The following METTL9 variants were observed in gnomAD, a reference collection of about 807,000 sequenced individuals.
METTL9 encodes the protein protein-L-histidine N-pros-methyltransferase.
METTL9 carries 10 observed loss-of-function variants against 36.0 expected under a neutral mutation model. That is an observed-to-expected ratio of 0.28 (90% CI 0.17 to 0.47). METTL9 has a LOEUF of 0.47. METTL9 is among the 20% of genes least tolerant of loss of function. The pLI is 0.99. For missense variants in METTL9, 246 were observed against 383.5 expected (o/e 0.64, Z 3.00); for synonymous variants, 175 against 149.7 (o/e 1.17, Z -1.23).
intron 4 of METTL9, chr16:21,641,577 GTGT>G (rs562061536): frequency 4.7e-5 from 74 of 1,585,950 alleles, no homozygotes; most frequent in Non-Finnish European, 5.8e-5. Context: ...GTTTTCATAA[GTGT>G]TGTTATCTTT....
chr16:21,610,229 G>C (rs1441103326), intron 1 of METTL9, among the ~76,000 whole-genome samples: 1 of 152,190 alleles, frequency 6.6e-6, no homozygotes, highest in African/African-American at 2.4e-5. Context: ...GACATTTCAC[G>C]TAAGTGGAAT....
chr16:21,642,851 C>T (rs1966310135), intron 4 of METTL9, among the ~76,000 whole-genome samples: 1 of 152,134 alleles, frequency 6.6e-6, no homozygotes, highest in Admixed American at 6.5e-5. Context: ...CTGAAAGTTT[C>T]CATGTCACTA....
rs1231465703 is a variant in METTL9, at chr16:21,599,641, C to G, written c.-93C>G. The stretch of plus-strand genomic sequence containing the variant: ...GGCAAGGCGGCCGCGATGGCTCGAG[C>G]TCGGGCGGTGGCGGCGGTGGCCGGA... On this transcript the variant is annotated 5_prime_UTR_variant, in exon 1 of 5. Transcript: ENST00000358154. The surrounding 1 kb of genome is among the most constrained non-coding windows in gnomAD (Gnocchi z 4.4). 1.1e-5 allele frequency: 15 copies of G among 1,343,472 alleles called. No homozygotes were observed. The highest frequency in any genetic ancestry group is 4.2e-5 in the Admixed American group (1 of 23,958). The allele number at this position is 1,343,472 out of a possible 1,614,324, so 83.2% of individuals were successfully genotyped here.
At chr16:21,613,632 T>C (rs1302215316) in intron 2 of METTL9, among the ~76,000 whole-genome samples, 2 of 152,134 alleles carry the variant, frequency 1.3e-5, no homozygotes, top group East Asian at 1.9e-4. Context: ...TTAAACATAC[T>C]TCGCAGTGGC....
upstream of METTL9, among the ~76,000 whole-genome samples, chr16:21,598,352 CA>C (rs1161878357): frequency 0.017 from 1,001 of 59,176 alleles, 8 homozygotes; most frequent in African/African-American, 0.045. Flanking sequence ...CACTCCGTTT[CA>C]AAAAAAAAAA....
intron 1 of METTL9, among the ~76,000 whole-genome samples, chr16:21,607,497 G>C (rs1031602077): frequency 3.3e-5 from 5 of 152,154 alleles, no homozygotes; most frequent in African/African-American, 1.2e-4. Context: ...CCAATTATTA[G>C]TATCTTTGCA....
intron 4 of METTL9, among the ~76,000 whole-genome samples, chr16:21,634,096 C>G (rs137933329): frequency 6.6e-6 from 1 of 152,146 alleles, no homozygotes; most frequent in African/African-American, 2.4e-5. Flanking sequence ...TTTCCAATTA[C>G]AACTGAGGAG....
chr16:21,652,911 G>A (rs1398343892), intron 4 of METTL9: 15 of 289,128 alleles, frequency 5.2e-5, no homozygotes, highest in South Asian at 1.9e-4. Context: ...CAAATAATTC[G>A]TACTTGGATT....
At chr16:21,604,075 G>A (rs891912868) in intron 1 of METTL9, among the ~76,000 whole-genome samples, 3 of 152,116 alleles carry the variant, frequency 2.0e-5, no homozygotes, top group Non-Finnish European at 2.9e-5. Context: ...AGGCAGACTG[G>A]AGTCAGGCAT....
intron 4 of METTL9, among the ~76,000 whole-genome samples, chr16:21,638,087 G>A (rs1966151677): frequency 6.6e-6 from 1 of 152,190 alleles, no homozygotes; most frequent in South Asian, 2.1e-4. Flanking sequence ...GGAGGCCAAG[G>A]TGGGCAGATC....
At chr16:21,648,897 C>T (rs750002367) in intron 4 of METTL9, among the ~76,000 whole-genome samples, 9 of 152,188 alleles carry the variant, frequency 5.9e-5, no homozygotes, top group Non-Finnish European at 8.8e-5. Flanking sequence ...TAGCGTTTCT[C>T]TTATGGATCC....
chr16:21,641,300 T>A (rs1966260564), intron 4 of METTL9: 1 of 338,008 alleles, frequency 3.0e-6, no homozygotes, highest in African/African-American at 2.1e-5. Context: ...TAAAATAGAA[T>A]TTTTTTTCTT....
Position 21,599,580 on chromosome 16 carries a change from C to A in METTL9, c.-154C>A. The A allele has an allele frequency of 1.5e-6, 2 of 1,293,282 alleles. No individual in the cohort carries two copies. The highest frequency in any genetic ancestry group is 1.6e-5 in the African/African-American group (1 of 64,012). 80.1% of individuals were successfully genotyped at this position (1,293,282 alleles called of 1,614,324 possible). A position where few individuals can be genotyped will look rare whatever the true frequency, so the allele number is the denominator to read the frequency against. On this transcript the variant is annotated 5_prime_UTR_variant, in exon 1 of 5. Coordinates refer to ENST00000358154, the MANE Select transcript of METTL9 (RefSeq NM_016025.5). This position sits in a 1 kb window ranked among gnomAD's most constrained non-coding sequence, Gnocchi z 4.4. Reference sequence around the variant, plus strand: ...CGAGGCTGCGCGCCGGCTGCTCCTCCCCACCCCCAGCCTTTGCCCTGAAGG... The same window carrying A: ...CGAGGCTGCGCGCCGGCTGCTCCTCACCACCCCCAGCCTTTGCCCTGAAGG...
intron 3 of METTL9, among the ~76,000 whole-genome samples, chr16:21,622,743 G>A (rs1965736381): frequency 1.3e-5 from 2 of 152,148 alleles, no homozygotes; most frequent in South Asian, 2.1e-4. Flanking sequence ...TCACCTTTTT[G>A]TGTTATGAGC....
chr16:21,618,239 C>T (rs983527807), intron 3 of METTL9, among the ~76,000 whole-genome samples, 165 bp downstream of exon 3: 4 of 152,012 alleles, frequency 2.6e-5, no homozygotes, highest in East Asian at 1.9e-4. Context: ...TTTTCTGGAG[C>T]GGAGGGGTTG....
At position 21,599,960 on chromosome 16, in the gene METTL9, C is replaced by G. The variant is rs887734299; in HGVS notation, c.165+62C>G. The G allele has an allele frequency of 2.5e-5, 31 of 1,259,350 alleles. No homozygotes were observed. The highest frequency in any genetic ancestry group is 2.7e-5 in the Non-Finnish European group (27 of 1,002,452). The allele number at this position is 1,259,350 out of a possible 1,614,324, so 78.0% of individuals were successfully genotyped here. On this transcript the variant is annotated intron_variant, in intron 1 of 4. Coordinates refer to ENST00000358154, the MANE Select transcript of METTL9 (RefSeq NM_016025.5). This position sits in a 1 kb window ranked among gnomAD's most constrained non-coding sequence, Gnocchi z 4.4. ...CGGCCCGGCCTTCCCGCGCTGGGCC[C>G]GGCTATTGTGCGGGACGGCTCCGCG...
At chr16:21,617,785 A>G in intron 2 of METTL9, 80 bp from the exon 3 acceptor site, 2 of 1,228,870 alleles carry the variant, frequency 1.6e-6, no homozygotes, top group Non-Finnish European at 2.4e-6. Context: ...GTGCTGAGTC[A>G]CTATATTCAC....
chr16:21,604,078 T>C (rs1802594118), intron 1 of METTL9, among the ~76,000 whole-genome samples: 1 of 151,958 alleles, frequency 6.6e-6, no homozygotes, highest in African/African-American at 2.4e-5. Context: ...CAGACTGGAG[T>C]CAGGCATGAG....
chr16:21,632,492 TC>T (rs1965988093), intron 4 of METTL9, among the ~76,000 whole-genome samples: 1 of 152,186 alleles, frequency 6.6e-6, no homozygotes. Flanking sequence ...AGAGATCATC[TC>T]GGGCCACATA....
Sources: allele counts gnomAD v4.1 joint callset (sites outside exome capture counted in the v4.1 genomes callset), GRCh38; gene constraint gnomAD v4.1.1; non-coding constraint Gnocchi (gnomAD v3.1); transcripts MANE v1.5; gene names NCBI Gene and HGNC (gene_info 2026-07-23, HGNC 2026-07-21).